Variants in PEAR1 observed in about 807,000 individuals in gnomAD.
PEAR1 encodes multiple EGF-like domains protein 12.
Under a neutral mutation model 131.2 loss-of-function variants are expected in PEAR1, and 113 were observed. That is an observed-to-expected ratio of 0.86 (90% confidence interval 0.74 to 1.01). PEAR1 has a LOEUF of 1.01. Among genes scored for constraint, PEAR1 ranks in the 50% least tolerant of loss-of-function variants. The pLI, the probability that PEAR1 is intolerant of heterozygous loss-of-function variation, is 0.00. For synonymous variants in PEAR1, 565 were observed against 523.3 expected, an observed-to-expected ratio of 1.08 and a Z score of -1.09; for missense variants, 1,408 against 1,391.1, an observed-to-expected ratio of 1.01 and a Z score of -0.19.
chr1:156,906,882 TATGTA>T lies in PEAR1; in HGVS notation c.644+6_644+10del. ...CCCCGCAGAGAGAACTGGGCCCAGGTATGTAATGGGGGGAACGACACTTTAACAAG... is the reference window on the plus strand; with the variant it reads ...CCCCGCAGAGAGAACTGGGCCCAGGTATGGGGGGAACGACACTTTAACAAG... On this transcript the variant is annotated splice_donor_5th_base_variant and intron_variant, in intron 6 of 22. Coordinates refer to ENST00000292357, the MANE Select transcript of PEAR1 (RefSeq NM_001080471.3). 6.2e-7 allele frequency: 1 copy of T among 1,613,554 alleles called. No homozygotes were observed. Among genetic ancestry groups the T allele is most frequent in the Non-Finnish European group, 8.5e-7 (1 of 1,179,804 alleles).
intron 1 of PEAR1, among the ~76,000 whole-genome samples, chr1:156,900,659 C>A (rs1379022841): frequency 6.6e-6 from 1 of 152,156 alleles, no homozygotes; most frequent in Non-Finnish European, 1.5e-5. Flanking sequence ...CGTGGGGTCA[C>A]CTTATGATTC....
chr1:156,904,949 C>T (rs770623990), intron 3 of PEAR1, 97 bp downstream of exon 3: 1 of 1,578,330 alleles, frequency 6.3e-7, no homozygotes, highest in Non-Finnish European at 8.6e-7. Context: ...CTCAGAAACT[C>T]AGAGGAAACT....
rs750757168 is a variant in PEAR1, at chr1:156,914,697, G to A, written c.3013G>A (p.Gly1005Ser). 1.7e-5 allele frequency: 28 copies of A among 1,613,644 alleles called. No homozygotes were observed. Among genetic ancestry groups the A allele is most frequent in the South Asian group, 9.9e-5 (9 of 91,002 alleles). Residue 1005 changes from glycine (G) to serine (S), a missense_variant, in exon 23 of 23, where the codon GGC (glycine) becomes AGC (serine). Gly to Ser is a moderately conservative substitution (Grantham distance 56). Transcript: ENST00000292357. ...QPPLPPGLPPGHYDSPKNSHI... is the reference protein window; with the variant it reads ...QPPLPPGLPPSHYDSPKNSHI... The stretch of plus-strand genomic sequence containing the variant: ...CCCTCTGCCTCCGGGCCTACCCCCC[G>A]GCCACTATGACTCACCCAAGAACAG...
chr1:156,904,853 G>C lies in PEAR1; in HGVS notation c.206+1G>C, dbSNP rs373109940. On this transcript the variant is annotated splice_donor_variant, in intron 3 of 22. Transcript: ENST00000292357. LOFTEE classifies it high-confidence loss of function. Reference sequence around the variant, plus strand: ...GCCCCCATACTTGCCCCCAGCCCACGTGAGTGCTCCTCATCCTCCATGGGT... The same window carrying C: ...GCCCCCATACTTGCCCCCAGCCCACCTGAGTGCTCCTCATCCTCCATGGGT... 1 of 1,613,932 alleles carries C rather than the reference G, an allele frequency of 6.2e-7. No homozygotes were observed. The highest frequency in any genetic ancestry group is 8.5e-7 in the Non-Finnish European group (1 of 1,179,894).
Position 156,911,234 on chromosome 1 carries a change from TTTTCTTTCTTC to T in PEAR1, c.1951+506_1951+516del, listed in dbSNP as rs1437484001. ...TTTCTTTCTTTCCTTTCTTTCTTTC[TTTTCTTTCTTC>T]TTTCTTTCTTCTTTTCTCTCCCTCC... On this transcript the variant is annotated intron_variant, in intron 15 of 22. Coordinates refer to ENST00000292357, the MANE Select transcript of PEAR1 (RefSeq NM_001080471.3). Among the ~76,000 whole-genome samples the T allele has an allele frequency of 1.6e-3, 237 of 150,006 alleles. 18 individuals carry two copies. Among genetic ancestry groups the T allele is most frequent in the African/African-American group, 5.2e-3 (209 of 40,518 alleles).
intron 3 of PEAR1, 44 bp from the exon 4 acceptor site, chr1:156,905,280 C>G: frequency 6.4e-7 from 1 of 1,574,212 alleles, no homozygotes; most frequent in Non-Finnish European, 8.7e-7. Context: ...GTGGTGAGTG[C>G]GGACAGCAGG....
chr1:156,904,656 C>T (rs1412891040), intron 2 of PEAR1, 92 bp from the exon 3 acceptor site: 1 of 1,296,578 alleles, frequency 7.7e-7, no homozygotes, highest in Non-Finnish European at 1.1e-6. Flanking sequence ...TGTGGATTCC[C>T]CACTGTGGCC....
At chr1:156,900,504 G>A (rs1256406587) in intron 1 of PEAR1, among the ~76,000 whole-genome samples, 1 of 152,160 alleles carries the variant, frequency 6.6e-6, no homozygotes, top group Non-Finnish European at 1.5e-5. Context: ...TGCGGTCCTG[G>A]TCAGGTTTCT....
intron 22 of PEAR1, 140 bp from the exon 23 acceptor site, chr1:156,914,507 A>G: frequency 1.2e-6 from 1 of 814,998 alleles, no homozygotes; most frequent in East Asian, 2.7e-5. Flanking sequence ...GCTGATAGTA[A>G]ACTGGTGTAT....
At chr1:156,901,257 C>T (rs558394262) in intron 1 of PEAR1, among the ~76,000 whole-genome samples, 27 of 152,304 alleles carry the variant, frequency 1.8e-4, no homozygotes, top group African/African-American at 6.3e-4. Flanking sequence ...CAGCTAACCT[C>T]CCAGCCAGCC....
chr1:156,894,614 A>C (rs549718620), intron 1 of PEAR1, among the ~76,000 whole-genome samples: 4 of 152,240 alleles, frequency 2.6e-5, no homozygotes, highest in South Asian at 2.1e-4. Context: ...AAGTTGTGCT[A>C]AGGGCCAGGT....
intron 15 of PEAR1, among the ~76,000 whole-genome samples, chr1:156,911,492 C>T (rs1371208011): frequency 1.3e-5 from 2 of 151,934 alleles, no homozygotes; most frequent in East Asian, 3.9e-4. Context: ...TCATATTGGC[C>T]AGGCTGGTCT....
At chr1:156,911,308 A>T in intron 15 of PEAR1, among the ~76,000 whole-genome samples, 1 of 126,890 alleles carries the variant, frequency 7.9e-6, no homozygotes, top group Non-Finnish European at 1.6e-5. Flanking sequence ...TTGACACGGA[A>T]TCTCACTCTG....
intron 2 of PEAR1, 52 bp downstream of exon 2, chr1:156,904,079 G>T (rs749573642): frequency 1.4e-6 from 2 of 1,419,962 alleles, no homozygotes; most frequent in East Asian, 2.3e-5. Context: ...GCTCCCGATT[G>T]TCCCTATTGT....
intron 1 of PEAR1, among the ~76,000 whole-genome samples, chr1:156,898,518 C>T (rs1292130157): frequency 3.9e-5 from 6 of 152,186 alleles, no homozygotes; most frequent in African/African-American, 1.4e-4. Flanking sequence ...CATGGGTGTA[C>T]TGGGTAGCCT....
intron 2 of PEAR1, 114 bp downstream of exon 2, chr1:156,904,141 A>C: frequency 1.2e-6 from 1 of 818,752 alleles, no homozygotes; most frequent in South Asian, 1.5e-5. Context: ...CCTTCTCTCT[A>C]GTCTCTCCCC....
chr1:156,894,514 C>T (rs111712400), intron 1 of PEAR1, among the ~76,000 whole-genome samples: 1 of 152,306 alleles, frequency 6.6e-6, no homozygotes, highest in Non-Finnish European at 1.5e-5. Flanking sequence ...GTCCCTGGCT[C>T]TCACATCTTT....
Position 156,905,286 on chromosome 1 carries a change from G to A in PEAR1, c.207-38G>A, listed in dbSNP as rs1021476634. On this transcript the variant is annotated intron_variant, in intron 3 of 22. Coordinates refer to ENST00000292357, the MANE Select transcript of PEAR1 (RefSeq NM_001080471.3). ...GGCCACACTGTGGTGAGTGCGGACA[G>A]CAGGGAGGGCTGAGGGCCGCCTTCC... 1.9e-6 allele frequency: 3 copies of A among 1,591,728 alleles called. No homozygotes were observed. In the African/African-American group the frequency reaches 4.0e-5, roughly 21 times the overall value.
chr1:156,915,715 G>GATT lies in PEAR1; in HGVS notation c.*921_*923dup, dbSNP rs1233933150. 1 of 152,178 alleles carries GATT rather than the reference G, an allele frequency of 6.6e-6. No individual in the cohort carries two copies. The highest frequency in any genetic ancestry group is 2.4e-5 in the African/African-American group (1 of 41,440). The allele number at this position is 152,178 out of a possible 1,614,324, so 9.4% of individuals were successfully genotyped here. A position where few individuals can be genotyped will look rare whatever the true frequency, so the allele number is the denominator to read the frequency against. Reference sequence around the variant, plus strand: ...TCTTTAATGTGTTCTTTCTTTATGTGATTATTTGATTAATCTCTGCCTCCC... The same window carrying GATT: ...TCTTTAATGTGTTCTTTCTTTATGTGATTATTATTTGATTAATCTCTGCCTCCC... On this transcript the variant is annotated 3_prime_UTR_variant, in exon 23 of 23. Transcript: ENST00000292357.
Sources: allele counts gnomAD v4.1 joint callset (sites outside exome capture counted in the v4.1 genomes callset), GRCh38; gene constraint gnomAD v4.1.1; transcripts MANE v1.5; gene names NCBI Gene and HGNC (gene_info 2026-07-23, HGNC 2026-07-21).